The following COPS3 variants were observed in gnomAD, a reference collection of about 807,000 sequenced individuals.
COPS3 encodes the protein COP9 signalosome complex subunit 3.
A neutral mutation model predicts 58.2 loss-of-function variants in COPS3; 10 were observed. The ratio of observed to expected loss-of-function variants is 0.17; its 90% CI spans 0.11 to 0.29. The LOEUF is 0.29. Among genes scored for constraint, COPS3 ranks in the 10% least tolerant of loss-of-function variants. The pLI is 1.00. For synonymous variants in COPS3, 187 were observed against 181.7 expected (o/e 1.03, Z -0.24); for missense variants, 333 against 510.1 (o/e 0.65, Z 3.34).
At chr17:17,266,607 T>G (rs2048227279) in intron 5 of COPS3, among the ~76,000 whole-genome samples, 1 of 151,808 alleles carries the variant, frequency 6.6e-6, no homozygotes, top group African/African-American at 2.4e-5. Context: ...AAGACCAGCC[T>G]GACCAAAATG....
chr17:17,258,799 T>C (rs2048032481), intron 8 of COPS3, among the ~76,000 whole-genome samples: 1 of 152,230 alleles, frequency 6.6e-6, no homozygotes, highest in East Asian at 1.9e-4. Flanking sequence ...CAAGTTACAC[T>C]GGTTTTGATC....
chr17:17,249,448 C>G (rs1458357162), intron 9 of COPS3, among the ~76,000 whole-genome samples: 3 of 151,680 alleles, frequency 2.0e-5, no homozygotes, highest in Non-Finnish European at 4.4e-5. Context: ...CTCAGCCTCC[C>G]AAGTAACTGG....
At chr17:17,276,258 TTC>T in intron 1 of COPS3, 94 bp from the exon 2 acceptor site, 1 of 1,509,574 alleles carries the variant, frequency 6.6e-7, no homozygotes, top group Non-Finnish European at 9.1e-7. Context: ...GAGCCTGAAG[TTC>T]CCAAAATTGA....
chr17:17,281,219 AGCACGCGCGG>A lies in COPS3; in HGVS notation c.-43_-34del. ...CCCGGGCGGCCCGAGCGGCGAAGGC[AGCACGCGCGG>A]GAAAAGGCTGCCGCTCTGGGAGGAG... is the stretch of plus-strand genomic sequence containing the variant. On this transcript the variant is annotated 5_prime_UTR_variant, in exon 1 of 12. Transcript: ENST00000268717. The A allele has an allele frequency of 1.3e-6, 2 of 1,599,074 alleles. No individual in the cohort carries two copies. The highest frequency in any genetic ancestry group is 1.7e-6 in the Non-Finnish European group (2 of 1,172,974).
rs745867794 is a variant in COPS3, at chr17:17,281,209, C to T, written c.-23G>A. The stretch of plus-strand genomic sequence containing the variant: ...CATGTTTTCCCCCGGGCGGCCCGAG[C>T]GGCGAAGGCAGCACGCGCGGGAAAA... On this transcript the variant is annotated 5_prime_UTR_variant, in exon 1 of 12. Transcript: ENST00000268717. 1.2e-6 allele frequency: 2 copies of T among 1,604,992 alleles called. No individual in the cohort carries two copies. The highest frequency in any genetic ancestry group is 1.7e-6 in the Non-Finnish European group (2 of 1,176,056).
chr17:17,261,355 T>C (rs2048095479), intron 7 of COPS3, among the ~76,000 whole-genome samples: 1 of 151,758 alleles, frequency 6.6e-6, no homozygotes, highest in South Asian at 2.1e-4. Flanking sequence ...TGAAACCACA[T>C]CTCCACTAAA....
At chr17:17,280,254 T>C (rs756541420) in intron 1 of COPS3, among the ~76,000 whole-genome samples, 1 of 151,988 alleles carries the variant, frequency 6.6e-6, no homozygotes, top group Non-Finnish European at 1.5e-5. Flanking sequence ...CTACTAAAAA[T>C]ACAAAAATTA....
chr17:17,258,765 G>C (rs1350330583), intron 8 of COPS3, among the ~76,000 whole-genome samples: 2 of 152,210 alleles, frequency 1.3e-5, no homozygotes, highest in African/African-American at 4.8e-5. Flanking sequence ...TAAACCTGTA[G>C]GTCAAGCTGG....
intron 1 of COPS3, among the ~76,000 whole-genome samples, chr17:17,277,219 C>T (rs1015243409): frequency 6.6e-6 from 1 of 152,102 alleles, no homozygotes; most frequent in Admixed American, 6.5e-5. Flanking sequence ...AGCTCCCTTC[C>T]CCATGGCTAA....
chr17:17,280,952 G>A (rs559572579), intron 1 of COPS3, among the ~76,000 whole-genome samples, 180 bp downstream of exon 1: 1 of 152,152 alleles, frequency 6.6e-6, no homozygotes, highest in Non-Finnish European at 1.5e-5. Context: ...AGCGCGAGGG[G>A]GCTGCCTACA....
intron 1 of COPS3, chr17:17,280,734 C>G: frequency 1.6e-6 from 2 of 1,249,244 alleles, no homozygotes; most frequent in Non-Finnish European, 2.1e-6. Context: ...AGTCAGCAAG[C>G]TGCGGATCGG....
At chr17:17,274,456 ACT>A (rs1311204939) in intron 2 of COPS3, among the ~76,000 whole-genome samples, 2 of 83,774 alleles carry the variant, frequency 2.4e-5, no homozygotes, top group Non-Finnish European at 5.4e-5. Context: ...AGAGTCTCAC[ACT>A]CTGTCACCCA....
At position 17,248,962 on chromosome 17, in the gene COPS3, A is replaced by G. The variant is rs146811066; in HGVS notation, c.1101T>C (p.Tyr367=). The change falls in exon 10 of 12, where the codon TAT becomes TAC. Residue 367 remains tyrosine, a synonymous_variant. Coordinates refer to ENST00000268717, the MANE Select transcript of COPS3 (RefSeq NM_003653.4). The stretch of plus-strand genomic sequence containing the variant: ...TGTTATGAAGCATGGCTGGGTTATT[A>G]TATTTTTCAGGGTTATCATGGAAAC... The part of the protein sequence containing the change: ...MVSFHDNPEK[Y]NNPAMLHNID... 177 of 1,609,538 alleles carry G rather than the reference A, an allele frequency of 1.1e-4. No individual in the cohort carries two copies. Among genetic ancestry groups the G allele is most frequent in the Middle Eastern group, 8.2e-4 (5 of 6,066 alleles).
Position 17,249,048 on chromosome 17 carries a change from A to G in COPS3, c.1024-9T>C. On this transcript the variant is annotated splice_polypyrimidine_tract_variant and intron_variant, in intron 9 of 11. Transcript: ENST00000268717. The stretch of plus-strand genomic sequence containing the variant: ...ATCTCACCATCTTCTATCTGCAGAA[A>G]GAAAAAAAAAAAAATCAGGAAAGCA... The G allele has an allele frequency of 1.3e-6, 2 of 1,512,750 alleles. No homozygotes were observed. The highest frequency in any genetic ancestry group is 9.0e-7 in the Non-Finnish European group (1 of 1,106,380). The allele number at this position is 1,512,750 out of a possible 1,614,324, so 93.7% of individuals were successfully genotyped here.
chr17:17,267,832 A>C (rs567984858), intron 5 of COPS3, 53 bp downstream of exon 5: 1 of 1,577,784 alleles, frequency 6.3e-7, no homozygotes, highest in East Asian at 2.3e-5. Flanking sequence ...GAGCAAGCCC[A>C]TAAACAACCT....
intron 5 of COPS3, among the ~76,000 whole-genome samples, chr17:17,265,353 T>C (rs1050486141): frequency 2.0e-5 from 3 of 152,092 alleles, no homozygotes; most frequent in East Asian, 3.8e-4. Flanking sequence ...TTAGGAATAG[T>C]CAACCTGTAC....
At chr17:17,271,126 G>GT in intron 2 of COPS3, 118 bp from the exon 3 acceptor site, 1 of 764,920 alleles carries the variant, frequency 1.3e-6, no homozygotes, top group Non-Finnish European at 2.2e-6. Context: ...ATGAGCAACA[G>GT]TATTTTTTAG....
At chr17:17,256,683 T>C (rs950800382) in intron 8 of COPS3, among the ~76,000 whole-genome samples, 4 of 152,276 alleles carry the variant, frequency 2.6e-5, no homozygotes, top group Non-Finnish European at 4.4e-5. Context: ...TCATAGCAGT[T>C]CAAGGGAACC....
chr17:17,263,163 CTG>C (rs948595728), intron 6 of COPS3, among the ~76,000 whole-genome samples: 53 of 151,706 alleles, frequency 3.5e-4, no homozygotes, highest in Non-Finnish European at 6.3e-4. Flanking sequence ...TGGCAGGCAC[CTG>C]TAGTTCCAGC....
Sources: allele counts gnomAD v4.1 joint callset (sites outside exome capture counted in the v4.1 genomes callset), GRCh38; gene constraint gnomAD v4.1.1; transcripts MANE v1.5; gene names NCBI Gene and HGNC (gene_info 2026-07-23, HGNC 2026-07-21).